Variants in PPARGC1A observed in about 807,000 individuals in gnomAD.
PPARGC1A encodes peroxisome proliferator-activated receptor gamma coactivator 1-alpha.
A neutral mutation model predicts 88.7 loss-of-function variants in PPARGC1A; 25 were observed. That is an observed-to-expected ratio of 0.28 (90% CI 0.21 to 0.39). The LOEUF is 0.39. Among genes scored for constraint, PPARGC1A ranks in the 10% least tolerant of loss-of-function variants. PPARGC1A has a pLI of 1.00. For synonymous variants in PPARGC1A, 363 were observed against 355.6 expected (o/e 1.02, Z -0.24); for missense variants, 880 against 968.7 (o/e 0.91, Z 1.22).
At chr4:23,992,020 G>T in the PPARGC1A span, among the ~76,000 whole-genome samples, 1 of 152,116 alleles carries the variant, frequency 6.6e-6, no homozygotes, top group Admixed American at 6.6e-5. Context: ...CATTTGGGAA[G>T]AAATTTACTT....
chr4:24,233,607 C>G, the PPARGC1A span, among the ~76,000 whole-genome samples: 1 of 150,208 alleles, frequency 6.7e-6, no homozygotes, highest in Non-Finnish European at 1.5e-5. Context: ...CACACACACA[C>G]ACACACACAC....
At chr4:24,025,997 A>G in the PPARGC1A span, among the ~76,000 whole-genome samples, 2 of 152,200 alleles carry the variant, frequency 1.3e-5, no homozygotes, top group African/African-American at 4.8e-5. Context: ...TTTGCACTCA[A>G]TCCAAAGTAA....
the PPARGC1A span, among the ~76,000 whole-genome samples, chr4:24,440,428 A>G: frequency 1.7e-3 from 260 of 152,338 alleles, no homozygotes; most frequent in African/African-American, 6.1e-3. Context: ...CAAAGTACAG[A>G]ACATGGCACA....
At chr4:24,423,793 C>A in the PPARGC1A span, among the ~76,000 whole-genome samples, 400 of 152,260 alleles carry the variant, frequency 2.6e-3, 2 homozygotes, top group African/African-American at 9.1e-3. Flanking sequence ...AAGGAACTGA[C>A]AACAAAAGCA....
chr4:24,315,735 A>G, the PPARGC1A span, among the ~76,000 whole-genome samples: 1 of 152,316 alleles, frequency 6.6e-6, no homozygotes, highest in East Asian at 1.9e-4. Context: ...ACATCCTACA[A>G]TGGAATGCAC....
At chr4:24,399,517 A>C in the PPARGC1A span, among the ~76,000 whole-genome samples, 1 of 152,302 alleles carries the variant, frequency 6.6e-6, no homozygotes, top group South Asian at 2.1e-4. Context: ...CTTACACTTC[A>C]CTGGGACTGA....
the PPARGC1A span, among the ~76,000 whole-genome samples, chr4:24,443,254 GTTTT>G: frequency 2.1e-5 from 3 of 145,142 alleles, no homozygotes; most frequent in African/African-American, 5.1e-5. Flanking sequence ...AAATGTATGG[GTTTT>G]TTTTTTTTTT....
chr4:24,174,209 C>G, the PPARGC1A span, among the ~76,000 whole-genome samples: 1 of 152,136 alleles, frequency 6.6e-6, no homozygotes, highest in Non-Finnish European at 1.5e-5. Context: ...AGAATCAATC[C>G]TGATTCAGCA....
the PPARGC1A span, among the ~76,000 whole-genome samples, chr4:24,447,536 G>A: frequency 1.3e-5 from 2 of 152,224 alleles, no homozygotes; most frequent in Non-Finnish European, 2.9e-5. Context: ...CCTCTGCAGA[G>A]CCCAGTCCCA....
chr4:23,905,323 A>G (rs1719908481), upstream of PPARGC1A, among the ~76,000 whole-genome samples: 1 of 152,210 alleles, frequency 6.6e-6, no homozygotes, highest in Non-Finnish European at 1.5e-5. Context: ...AACCCTTTTC[A>G]TTTGAAAACT....
At chr4:23,844,548 A>G (rs1727748924) in intron 2 of PPARGC1A, among the ~76,000 whole-genome samples, 1 of 115,490 alleles carries the variant, frequency 8.7e-6, no homozygotes, top group Non-Finnish European at 1.6e-5. Context: ...AATATATTAT[A>G]TATTATCACA....
the PPARGC1A span, among the ~76,000 whole-genome samples, chr4:24,136,891 G>A: frequency 6.6e-6 from 1 of 152,056 alleles, no homozygotes; most frequent in East Asian, 1.9e-4. Flanking sequence ...TGAGGTAGGT[G>A]GATCACGAGG....
In PPARGC1A at chr4:23,802,293, G is replaced by T; in HGVS notation, c.2072C>A (p.Thr691Lys). ...AACTTCAAAACGGTCCCTCAGTTCT[G>T]TCCGTGTTGTGTCAGGTCTGATTTT... The part of the protein sequence containing the change: ...VGKIRPDTTR[T>K]ELRDRFEVFG... Residue 691 changes from threonine (T) to lysine (K), a missense_variant, in exon 11 of 13, where the codon ACA (threonine) becomes AAA (lysine). By Grantham distance (78) the Thr-to-Lys change is moderately conservative (BLOSUM62 -1). Transcript: ENST00000264867. 1 of 1,613,940 alleles carries T rather than the reference G, an allele frequency of 6.2e-7. No homozygotes were observed. Among genetic ancestry groups the T allele is most frequent in the Non-Finnish European group, 8.5e-7 (1 of 1,179,968 alleles).
At chr4:23,829,771 G>A (rs59719723) in intron 3 of PPARGC1A, 186 bp from the exon 4 acceptor site, 145 of 436,088 alleles carry the variant, frequency 3.3e-4, no homozygotes, top group African/African-American at 2.4e-3. Context: ...GTAGAAAAAA[G>A]TTTGGCATTA....
the PPARGC1A span, among the ~76,000 whole-genome samples, chr4:24,217,469 T>G: frequency 6.6e-6 from 1 of 152,100 alleles, no homozygotes; most frequent in Non-Finnish European, 1.5e-5. Context: ...TGGAGGGTGT[T>G]GGATGGTGAC....
chr4:24,352,587 C>G, the PPARGC1A span, among the ~76,000 whole-genome samples: 2 of 152,202 alleles, frequency 1.3e-5, no homozygotes, highest in Non-Finnish European at 2.9e-5. Context: ...TGGCCAAGGT[C>G]TGAGGACTCG....
chr4:24,184,372 A>G, the PPARGC1A span, among the ~76,000 whole-genome samples: 3 of 152,166 alleles, frequency 2.0e-5, no homozygotes, highest in South Asian at 2.1e-4. Flanking sequence ...CCCGCCTCCC[A>G]TGGGTCTTTT....
At chr4:24,167,944 T>C in the PPARGC1A span, among the ~76,000 whole-genome samples, 1 of 152,094 alleles carries the variant, frequency 6.6e-6, no homozygotes, top group East Asian at 1.9e-4. Flanking sequence ...TTGGTAGAGA[T>C]AGGGGTCTCA....
chr4:24,221,564 CAT>C, the PPARGC1A span, among the ~76,000 whole-genome samples: 2 of 152,020 alleles, frequency 1.3e-5, no homozygotes, highest in Non-Finnish European at 2.9e-5. Context: ...TACCACCAAA[CAT>C]AGAGGAAATA....
Sources: allele counts gnomAD v4.1 joint callset (sites outside exome capture counted in the v4.1 genomes callset), GRCh38; gene constraint gnomAD v4.1.1; transcripts MANE v1.5; gene names NCBI Gene and HGNC (gene_info 2026-07-23, HGNC 2026-07-21).